Variants in CLDN14 observed in about 807,000 individuals in gnomAD.
CLDN14 encodes claudin-14.
A neutral mutation model predicts 2.1 loss-of-function variants in CLDN14; 2 were observed. The observed-to-expected ratio is 0.96, with a 90% CI of 0.39 to 3.01. The LOEUF is 3.01. Ranked by LOEUF, CLDN14 falls within the 30% of genes most tolerant of loss-of-function variation. CLDN14 has a pLI of 0.09. For synonymous variants in CLDN14, 136 were observed against 154.4 expected, an observed-to-expected ratio of 0.88 and a Z score of 0.88; for missense variants, 298 against 328.0, an observed-to-expected ratio of 0.91 and a Z score of 0.71.
intron 1 of CLDN14, among the ~76,000 whole-genome samples, chr21:36,473,417 T>C (rs1008609912): frequency 2.6e-5 from 4 of 152,246 alleles, no homozygotes; most frequent in Non-Finnish European, 4.4e-5. Flanking sequence ...TTGCCAGCCT[T>C]GAGAATCATG....
At chr21:36,547,598 C>G (rs10483034) in intron 1 of CLDN14, among the ~76,000 whole-genome samples, 3,679 of 152,140 alleles carry the variant, frequency 0.024, 157 homozygotes, top group African/African-American at 0.084. Flanking sequence ...ATCAATTGTT[C>G]GAGAGCGAAG....
rs1044125163 is a variant in CLDN14, at chr21:36,499,955, C to T, written c.-82+10408G>A. Among the ~76,000 whole-genome samples, 7 of 152,120 alleles carry T rather than the reference C, an allele frequency of 4.6e-5. No individual in the cohort carries two copies. Among genetic ancestry groups the T allele is most frequent in the African/African-American group, 1.7e-4 (7 of 41,380 alleles). On this transcript the variant is annotated intron_variant, in intron 2 of 2. Coordinates refer to the CLDN14 transcript ENST00000342108. The surrounding 1 kb of genome is among the most constrained non-coding windows in gnomAD (Gnocchi z 4.7). Reference sequence around the variant, plus strand: ...GGCCCAGAAGCCTGCCCCAGCCGCGCACACAGAGTCTACCTGTCTTCCAAT... The same window carrying T: ...GGCCCAGAAGCCTGCCCCAGCCGCGTACACAGAGTCTACCTGTCTTCCAAT...
In CLDN14 at chr21:36,489,117, GAA is replaced by G. The variant is rs869298653; in HGVS notation, c.-82+21244_-82+21245del. On this transcript the variant is annotated intron_variant, in intron 2 of 2. Coordinates refer to the CLDN14 transcript ENST00000342108. ...AGAGTGAGTGAGAGTCTGTCTCAAA[GAA>G]AAAAAAAAAAAAATATATATATATA... 1.7e-3 allele frequency among the ~76,000 whole-genome samples: 99 copies of G among 57,008 alleles called. 1 individual carries two copies. The highest frequency in any genetic ancestry group is 0.016 in the Middle Eastern group (1 of 62). 37.4% of individuals were successfully genotyped at this position (57,008 alleles called of 152,430 possible). A position where few individuals can be genotyped will look rare whatever the true frequency, so the allele number is the denominator to read the frequency against.
At chr21:36,485,091 C>T (rs1405538858), upstream of CLDN14, among the ~76,000 whole-genome samples, 1 of 151,638 alleles carries the variant, frequency 6.6e-6, no homozygotes, top group Non-Finnish European at 1.5e-5. Context: ...GTCACATTCA[C>T]AGGCACCAGA....
chr21:36,510,859 A>G (rs916851031), intron 1 of CLDN14, among the ~76,000 whole-genome samples: 2 of 152,248 alleles, frequency 1.3e-5, no homozygotes, highest in African/African-American at 2.4e-5. Context: ...AGTAAAGGGC[A>G]GGAGGTTGGA....
intron 1 of CLDN14, among the ~76,000 whole-genome samples, chr21:36,511,660 C>CT (rs1418291657): frequency 6.6e-6 from 1 of 152,074 alleles, no homozygotes; most frequent in Non-Finnish European, 1.5e-5. Context: ...TTCTTTCCTC[C>CT]TGTACAATGG....
rs552840962 is a variant in CLDN14, at chr21:36,494,327, A to G, written c.-82+16036T>C. ...TCAATCAAAGAAGCTTGTTTCAAACAGACAGGGCTGAGAGGATATTCCTAA... is the reference window on the plus strand; with the variant it reads ...TCAATCAAAGAAGCTTGTTTCAAACGGACAGGGCTGAGAGGATATTCCTAA... On this transcript the variant is annotated intron_variant, in intron 2 of 2. Transcript: ENST00000342108. Among the ~76,000 whole-genome samples, 3 of 152,328 alleles carry G rather than the reference A, an allele frequency of 2.0e-5. No individual in the cohort carries two copies. The South Asian group carries it at 6.2e-4, about 32-fold the overall frequency.
chr21:36,571,918 G>A (rs2087712700), intron 1 of CLDN14, among the ~76,000 whole-genome samples: 1 of 152,110 alleles, frequency 6.6e-6, no homozygotes, highest in African/African-American at 2.4e-5. Context: ...CTAAAAGCAT[G>A]GCAGTGGATT....
chr21:36,477,728 C>T (rs776498592), intron 1 of CLDN14, among the ~76,000 whole-genome samples: 4 of 152,258 alleles, frequency 2.6e-5, no homozygotes, highest in East Asian at 1.9e-4. Context: ...TAGAGTCACC[C>T]GACAGGGAGA....
intron 1 of CLDN14, among the ~76,000 whole-genome samples, chr21:36,514,779 C>T (rs77936615): frequency 0.018 from 2,671 of 151,848 alleles, 83 homozygotes; most frequent in African/African-American, 0.061. Flanking sequence ...CTGGTTTCTG[C>T]ACTGAGATAT....
Position 36,461,396 on chromosome 21 carries a change from G to A in CLDN14, c.300C>T (p.Ile100=), listed in dbSNP as rs113350364. ...LSGIACACAV[I]GMKCTRCAKG... ...TGGCGCAGCGCGTGCACTTCATCCC[G>A]ATGACGGCGCAGGCGCAGGCTATGC... The change falls in exon 2 of 2, where the codon ATC becomes ATT. Residue 100 remains isoleucine, a synonymous_variant. Transcript: ENST00000399135. 1.7e-3 allele frequency: 2,813 copies of A among 1,613,192 alleles called. 35 individuals are homozygous for A. Among genetic ancestry groups the A allele is most frequent in the South Asian group, 0.014 (1,317 of 91,076 alleles).
intron 2 of CLDN14, among the ~76,000 whole-genome samples, chr21:36,495,145 T>C (rs980263137): frequency 2.0e-5 from 3 of 152,044 alleles, no homozygotes; most frequent in Non-Finnish European, 4.4e-5. Context: ...CTGACCAACA[T>C]TGTGAAACCC....
intron 1 of CLDN14, among the ~76,000 whole-genome samples, chr21:36,536,314 C>T (rs1177244115): frequency 1.3e-5 from 2 of 152,188 alleles, no homozygotes; most frequent in Non-Finnish European, 2.9e-5. Flanking sequence ...GGCAGCCCAC[C>T]CATCCTCAGT....
In CLDN14 at chr21:36,575,105, G is replaced by A. The variant is rs181724497; in HGVS notation, c.-220+1306C>T. ...AATTCTCCTCTATTCTCTTTTTATG[G>A]AATTGAAGTTTCTACTTTTGCAAAT... On this transcript the variant is annotated intron_variant, in intron 1 of 2. Coordinates refer to the CLDN14 transcript ENST00000342108. 2.0e-3 allele frequency among the ~76,000 whole-genome samples: 312 copies of A among 152,262 alleles called. 1 individual carries two copies. The highest frequency in any genetic ancestry group is 6.8e-3 in the Middle Eastern group (2 of 294).
At chr21:36,569,634 C>T (rs1033481283) in intron 1 of CLDN14, among the ~76,000 whole-genome samples, 4 of 152,104 alleles carry the variant, frequency 2.6e-5, no homozygotes, top group African/African-American at 9.7e-5. Flanking sequence ...TACAAGTATT[C>T]AGGGAAGAGC....
At chr21:36,565,399 A>G (rs452583) in intron 1 of CLDN14, among the ~76,000 whole-genome samples, 114,013 of 151,824 alleles carry the variant, frequency 0.75, 44,247 homozygotes, top group Non-Finnish European at 0.87. Context: ...TTGCAGCACT[A>G]TGGTTTCCCT....
chr21:36,462,092 T>C (rs2086585475), intron 1 of CLDN14, among the ~76,000 whole-genome samples: 4 of 152,272 alleles, frequency 2.6e-5, no homozygotes, highest in African/African-American at 7.2e-5. Flanking sequence ...GGTTCATCAG[T>C]AACCAGGAAT....
intron 1 of CLDN14, among the ~76,000 whole-genome samples, chr21:36,521,081 GA>G (rs148132463): frequency 0.018 from 2,688 of 151,412 alleles, 80 homozygotes; most frequent in African/African-American, 0.062. Flanking sequence ...CAGAAAGAAA[GA>G]AAAAAAAATC....
chr21:36,528,967 A>AGG (rs1384543048), intron 1 of CLDN14, among the ~76,000 whole-genome samples: 1 of 152,210 alleles, frequency 6.6e-6, no homozygotes, highest in African/African-American at 2.4e-5. Flanking sequence ...ACTCCAAGCA[A>AGG]GGGGGTCACC....
Sources: allele counts gnomAD v4.1 joint callset (sites outside exome capture counted in the v4.1 genomes callset), GRCh38; gene constraint gnomAD v4.1.1; non-coding constraint Gnocchi (gnomAD v3.1); transcripts MANE v1.5; gene names NCBI Gene and HGNC (gene_info 2026-07-23, HGNC 2026-07-21).